DLG2: variants seen among roughly 807,000 people sequenced by gnomAD.
DLG2 encodes the protein discs large MAGUK scaffold protein 2.
Under a neutral mutation model 132.5 loss-of-function variants are expected in DLG2, and 45 were observed. That is an observed-to-expected ratio of 0.34 (90% CI 0.27 to 0.44). DLG2 has a LOEUF of 0.44. Among genes scored for constraint, DLG2 ranks in the 20% least tolerant of loss-of-function variants. The pLI, the probability that DLG2 is intolerant of heterozygous loss-of-function variation, is 1.00. For synonymous variants in DLG2, 424 were observed against 419.6 expected (o/e 1.01, Z -0.13); for missense variants, 1,045 against 1,196.9 (o/e 0.87, Z 1.87).
At chr11:83,787,559 G>T (rs2153890691) in intron 17 of DLG2, among the ~76,000 whole-genome samples, 1 of 151,846 alleles carries the variant, frequency 6.6e-6, no homozygotes, top group Non-Finnish European at 1.5e-5. Context: ...CTGACCTCGT[G>T]ATCCGCCTGC....
intron 7 of DLG2, among the ~76,000 whole-genome samples, chr11:84,518,383 AGT>A (rs1327751700): frequency 6.6e-6 from 1 of 152,126 alleles, no homozygotes; most frequent in Non-Finnish European, 1.5e-5. Flanking sequence ...TTAGCTAATG[AGT>A]GTTCATAGAC....
intron 4 of DLG2, among the ~76,000 whole-genome samples, chr11:85,255,022 T>A (rs1357018829): frequency 6.6e-6 from 1 of 151,722 alleles, no homozygotes; most frequent in Admixed American, 6.6e-5. Flanking sequence ...AAAATTATAA[T>A]TGTTTATATG....
chr11:84,615,817 G>GTA (rs1264202271), intron 6 of DLG2, among the ~76,000 whole-genome samples: 5 of 52,904 alleles, frequency 9.5e-5, no homozygotes, highest in African/African-American at 7.5e-4. Context: ...GACAAAAACG[G>GTA]TAAAAAAAAA....
chr11:84,837,852 T>C (rs1422375330), intron 6 of DLG2, among the ~76,000 whole-genome samples: 1 of 151,762 alleles, frequency 6.6e-6, no homozygotes, highest in Non-Finnish European at 1.5e-5. Flanking sequence ...GTTCTCAAAG[T>C]GTGGTTTGCC....
chr11:84,377,803 G>T (rs2098735176), intron 7 of DLG2, among the ~76,000 whole-genome samples: 1 of 152,104 alleles, frequency 6.6e-6, no homozygotes. Flanking sequence ...GAAAGTATGG[G>T]AAATCTTGTG....
intron 3 of DLG2, among the ~76,000 whole-genome samples, chr11:85,459,500 C>A (rs574767889): frequency 2.3e-4 from 35 of 152,138 alleles, no homozygotes; most frequent in Non-Finnish European, 2.8e-4. Flanking sequence ...TCTCAGGGAG[C>A]CCCACCCCAG....
intron 11 of DLG2, among the ~76,000 whole-genome samples, chr11:83,990,176 C>T (rs1299064767): frequency 6.6e-6 from 1 of 152,062 alleles, no homozygotes; most frequent in African/African-American, 2.4e-5. Context: ...GTGAATATTT[C>T]AGTACTCTAG....
At chr11:83,600,133 G>A (rs990193161) in intron 19 of DLG2, among the ~76,000 whole-genome samples, 3 of 152,048 alleles carry the variant, frequency 2.0e-5, no homozygotes, top group Admixed American at 6.6e-5. Context: ...TCATGTATAC[G>A]TCTATGCCAG....
chr11:83,503,452 T>TAC (rs1161538666), intron 21 of DLG2, among the ~76,000 whole-genome samples: 48 of 133,802 alleles, frequency 3.6e-4, no homozygotes, highest in African/African-American at 1.1e-3. Context: ...TATATATTTA[T>TAC]ACACACACAC....
intron 7 of DLG2, among the ~76,000 whole-genome samples, chr11:84,465,697 A>C (rs1333532979): frequency 6.6e-6 from 1 of 151,204 alleles, no homozygotes; most frequent in African/African-American, 2.4e-5. Context: ...GTACAAAACT[A>C]CTCTGTGTTC....
intron 6 of DLG2, among the ~76,000 whole-genome samples, chr11:84,885,860 G>C (rs374515786): frequency 6.6e-6 from 1 of 151,784 alleles, no homozygotes; most frequent in Non-Finnish European, 1.5e-5. Context: ...TGTAAAAACT[G>C]CAAGATAACT....
intron 8 of DLG2, among the ~76,000 whole-genome samples, chr11:84,237,357 G>T (rs1195855508): frequency 1.3e-5 from 2 of 152,162 alleles, no homozygotes; most frequent in Non-Finnish European, 2.9e-5. Flanking sequence ...AATTTCCTGA[G>T]ATTGTCTTTA....
chr11:84,304,028 T>A (rs573772349), intron 7 of DLG2, among the ~76,000 whole-genome samples: 1 of 152,216 alleles, frequency 6.6e-6, no homozygotes, highest in African/African-American at 2.4e-5. Context: ...GAAATTCAGG[T>A]TAATGGCGCA....
chr11:84,342,729 A>G (rs774585462), intron 7 of DLG2, among the ~76,000 whole-genome samples: 1 of 152,182 alleles, frequency 6.6e-6, no homozygotes, highest in Non-Finnish European at 1.5e-5. Flanking sequence ...AACTCAACAC[A>G]TATATAGGCA....
chr11:85,521,444 T>C (rs778375463), intron 3 of DLG2, among the ~76,000 whole-genome samples: 5 of 152,232 alleles, frequency 3.3e-5, no homozygotes, highest in Non-Finnish European at 7.3e-5. Context: ...CTTTCCTTTA[T>C]AAATTACCCA....
At chr11:85,442,679 T>C (rs556576555) in intron 3 of DLG2, among the ~76,000 whole-genome samples, 3 of 151,620 alleles carry the variant, frequency 2.0e-5, no homozygotes, top group Admixed American at 2.0e-4. Context: ...CTTGGCAACA[T>C]AGCAAGACCT....
chr11:84,957,210 C>T (rs771992155), intron 6 of DLG2, among the ~76,000 whole-genome samples: 11 of 152,142 alleles, frequency 7.2e-5, no homozygotes, highest in Non-Finnish European at 1.3e-4. Context: ...GACTTGCTGG[C>T]TCCAGAATCT....
In DLG2 at chr11:85,256,285, C is replaced by T. The variant is rs570550658; in HGVS notation, c.186+28935G>A. On this transcript the variant is annotated intron_variant, in intron 4 of 27. Coordinates refer to ENST00000376104, the MANE Select transcript of DLG2 (RefSeq NM_001142699.3). Reference sequence around the variant, plus strand: ...CAAAAGGAGTTCGGCTAGGGATGATCGGAGAGGAGATCAGCCACTGGATGA... The same window carrying T: ...CAAAAGGAGTTCGGCTAGGGATGATTGGAGAGGAGATCAGCCACTGGATGA... Among the ~76,000 whole-genome samples, 7 of 152,252 alleles carry T rather than the reference C, an allele frequency of 4.6e-5. No homozygotes were observed. The East Asian group carries it at 9.7e-4, about 21-fold the overall frequency.
At chr11:85,620,934 C>T (rs894456755) in intron 2 of DLG2, among the ~76,000 whole-genome samples, 2 of 152,216 alleles carry the variant, frequency 1.3e-5, no homozygotes, top group Admixed American at 6.5e-5. Context: ...ACAAAATAGC[C>T]TTACATCAGA....
Sources: allele counts gnomAD v4.1 joint callset (sites outside exome capture counted in the v4.1 genomes callset), GRCh38; gene constraint gnomAD v4.1.1; transcripts MANE v1.5; gene names NCBI Gene and HGNC (gene_info 2026-07-23, HGNC 2026-07-21).